The following NRXN3 variants were observed in gnomAD, a reference collection of about 807,000 sequenced individuals.
NRXN3 encodes neurexin 3, also known as neurexin III.
A neutral mutation model predicts 137.6 loss-of-function variants in NRXN3; 32 were observed. The ratio of observed to expected loss-of-function variants is 0.23; its 90% CI spans 0.18 to 0.31. NRXN3 has a LOEUF of 0.31. Among genes scored for constraint, NRXN3 ranks in the 10% least tolerant of loss-of-function variants. The pLI is 1.00. For synonymous variants in NRXN3, 798 were observed against 784.5 expected, an observed-to-expected ratio of 1.02 and a Z score of -0.29; for missense variants, 1,574 against 2,062.5, an observed-to-expected ratio of 0.76 and a Z score of 4.59.
At chr14:78,685,799 T>A (rs75660656) in intron 6 of NRXN3, among the ~76,000 whole-genome samples, 5,977 of 149,014 alleles carry the variant, frequency 0.04, 376 homozygotes, top group African/African-American at 0.14. Flanking sequence ...TGTCAGCTAA[T>A]GTTTTTCTTT....
At chr14:78,629,542 T>G (rs1166206105) in intron 4 of NRXN3, among the ~76,000 whole-genome samples, 1 of 152,236 alleles carries the variant, frequency 6.6e-6, no homozygotes, top group East Asian at 1.9e-4. Context: ...AAAGCTTTTG[T>G]GAAGTTTCTG....
At chr14:79,624,813 GT>G (rs202129385) in intron 16 of NRXN3, among the ~76,000 whole-genome samples, 3 of 136,180 alleles carry the variant, frequency 2.2e-5, no homozygotes, top group Non-Finnish European at 3.1e-5. Flanking sequence ...GTTTGTTTTT[GT>G]TTTTTTTTAA....
At chr14:79,014,642 A>G (rs2099576287) in intron 15 of NRXN3, among the ~76,000 whole-genome samples, 1 of 152,162 alleles carries the variant, frequency 6.6e-6, no homozygotes, top group Non-Finnish European at 1.5e-5. Flanking sequence ...GCTGGCTGGA[A>G]TAGTAATTCT....
intron 4 of NRXN3, among the ~76,000 whole-genome samples, chr14:78,425,629 C>T (rs1229326927): frequency 2.0e-5 from 3 of 152,122 alleles, no homozygotes; most frequent in African/African-American, 4.8e-5. Context: ...GTGCTAGAAA[C>T]GTTCTTAGTA....
intron 8 of NRXN3, among the ~76,000 whole-genome samples, chr14:78,788,280 G>GGT (rs10631312): frequency 0.98 from 148,895 of 152,156 alleles, 72,931 homozygotes; most frequent in East Asian, 1. Flanking sequence ...ACTGAGCATG[G>GGT]TATTATCAGG....
intron 4 of NRXN3, among the ~76,000 whole-genome samples, chr14:78,635,640 A>T (rs576320770): frequency 6.6e-6 from 1 of 152,302 alleles, no homozygotes; most frequent in East Asian, 1.9e-4. Flanking sequence ...AAGTCCACAG[A>T]ATGTAGTGTG....
chr14:79,836,181 G>T (rs908199304), intron 20 of NRXN3, among the ~76,000 whole-genome samples: 1 of 152,154 alleles, frequency 6.6e-6, no homozygotes, highest in Non-Finnish European at 1.5e-5. Flanking sequence ...CAAGAATGTG[G>T]ATTGTAATGG....
At chr14:78,570,423 G>A (rs1008545385) in intron 4 of NRXN3, among the ~76,000 whole-genome samples, 14 of 152,186 alleles carry the variant, frequency 9.2e-5, no homozygotes, top group Non-Finnish European at 1.6e-4. Context: ...AGTTATAGAA[G>A]CCCAGATGGA....
intron 19 of NRXN3, among the ~76,000 whole-genome samples, chr14:79,709,753 G>C (rs902158363): frequency 6.6e-6 from 1 of 152,262 alleles, no homozygotes. Flanking sequence ...TTATCTCGGG[G>C]CTGCTGTTCT....
At chr14:79,843,753 T>C (rs1312976772) in intron 20 of NRXN3, among the ~76,000 whole-genome samples, 1 of 152,224 alleles carries the variant, frequency 6.6e-6, no homozygotes, top group African/African-American at 2.4e-5. Context: ...ATTAAAGTTT[T>C]TTAAGAAAAA....
chr14:79,546,333 T>C (rs75183923), intron 16 of NRXN3, among the ~76,000 whole-genome samples: 10,078 of 152,230 alleles, frequency 0.066, 1,101 homozygotes, highest in African/African-American at 0.23. Flanking sequence ...AGGTGCCAGA[T>C]ACATAGTAGA....
intron 4 of NRXN3, among the ~76,000 whole-genome samples, chr14:78,407,993 A>G (rs2092597599): frequency 1.3e-5 from 2 of 152,194 alleles, no homozygotes; most frequent in African/African-American, 2.4e-5. Flanking sequence ...TGAGTTCTCA[A>G]TCTTCTACTT....
At chr14:78,902,341 G>A (rs866716470) in intron 10 of NRXN3, among the ~76,000 whole-genome samples, 5 of 151,918 alleles carry the variant, frequency 3.3e-5, no homozygotes, top group African/African-American at 9.7e-5. Context: ...GGATGTGTTT[G>A]GTCACCACTT....
chr14:79,554,742 G>T (rs1378609123), intron 16 of NRXN3, among the ~76,000 whole-genome samples: 1 of 152,126 alleles, frequency 6.6e-6, no homozygotes, highest in African/African-American at 2.4e-5. Flanking sequence ...TAGAGGTTAG[G>T]CTAGGCTTGA....
intron 4 of NRXN3, among the ~76,000 whole-genome samples, chr14:78,601,085 C>T (rs1027493792): frequency 8.5e-5 from 13 of 152,130 alleles, no homozygotes; most frequent in African/African-American, 3.1e-4. Flanking sequence ...CTCCATGTGT[C>T]CAGGACCTGC....
In NRXN3 at chr14:78,709,302, T is replaced by C; in HGVS notation, c.1307T>C (p.Val436Ala). The C allele has an allele frequency of 1.9e-6, 3 of 1,613,970 alleles. No individual in the cohort carries two copies. The highest frequency in any genetic ancestry group is 2.5e-6 in the Non-Finnish European group (3 of 1,179,976). ...ACCAAGATGAAAATCTATGGCGAAG[T>C]TGTGTTTAAGTGTGAGAATGTGGCC... ...ADTKMKIYGE[V>A]VFKCENVATL... The change falls in exon 7 of 21, where the codon GTT becomes GCT. Residue 436 changes from valine to alanine, a missense_variant. By Grantham distance (64) the Val-to-Ala change is moderately conservative. Transcript: ENST00000335750.
At position 78,601,166 on chromosome 14, in the gene NRXN3, T is replaced by C. The variant is rs561513261; in HGVS notation, c.758-43954T>C. Among the ~76,000 whole-genome samples, 8 of 152,306 alleles carry C rather than the reference T, an allele frequency of 5.3e-5. No homozygotes were observed. The East Asian group carries it at 1.2e-3, about 22-fold the overall frequency. ...TTTTATTTTAATGAAATCTGCATTC[T>C]TGTGGATAACCTTCCAACACACTAC... On this transcript the variant is annotated intron_variant, in intron 4 of 20. Transcript: ENST00000335750.
chr14:79,237,601 C>T (rs1423599947), intron 15 of NRXN3, among the ~76,000 whole-genome samples: 1 of 152,018 alleles, frequency 6.6e-6, no homozygotes. Flanking sequence ...GGCCTTTTCT[C>T]CTTTACTCCA....
At chr14:79,395,618 C>T (rs2094995661) in intron 15 of NRXN3, among the ~76,000 whole-genome samples, 1 of 151,730 alleles carries the variant, frequency 6.6e-6, no homozygotes, top group African/African-American at 2.4e-5. Flanking sequence ...GCCATCCTGG[C>T]TAACATGGTG....
Sources: allele counts gnomAD v4.1 joint callset (sites outside exome capture counted in the v4.1 genomes callset), GRCh38; gene constraint gnomAD v4.1.1; transcripts MANE v1.5; gene names NCBI Gene and HGNC (gene_info 2026-07-23, HGNC 2026-07-21).